The following NT5DC1 variants were observed in gnomAD, a reference collection of about 807,000 sequenced individuals.
NT5DC1 encodes the protein 5'-nucleotidase domain-containing protein 1.
A neutral mutation model predicts 59.4 loss-of-function variants in NT5DC1; 42 were observed. That is an observed-to-expected ratio of 0.71 (90% CI 0.55 to 0.92). NT5DC1 has a LOEUF of 0.92. Among genes scored for constraint, NT5DC1 ranks in the 40% least tolerant of loss-of-function variants. The probability of loss-of-function intolerance (pLI) is 0.00; values close to 1 mark genes in which losing one functional copy is unlikely to be tolerated. For synonymous variants in NT5DC1, 172 were observed against 188.1 expected, an observed-to-expected ratio of 0.91 and a Z score of 0.70; for missense variants, 501 against 537.1, an observed-to-expected ratio of 0.93 and a Z score of 0.66.
intron 6 of NT5DC1, among the ~76,000 whole-genome samples, chr6:116,205,892 G>T (rs1781440543): frequency 6.6e-6 from 1 of 151,890 alleles, no homozygotes; most frequent in Non-Finnish European, 1.5e-5. Flanking sequence ...AGGCAAGTCA[G>T]CCTCTCTAGG....
chr6:116,238,185 A>C lies in NT5DC1; in HGVS notation c.922-2A>C. On this transcript the variant is annotated splice_acceptor_variant, in intron 9 of 11. Transcript: ENST00000319550. LOFTEE classifies it high-confidence loss of function. The stretch of plus-strand genomic sequence containing the variant: ...AAACAGCATCTGCTATCTGTCTTAC[A>C]GGTTGTTTATTTTGGTGACAGCATG... The C allele has an allele frequency of 6.2e-7, 1 of 1,606,634 alleles. No homozygotes were observed. Among genetic ancestry groups the C allele is most frequent in the Non-Finnish European group, 8.5e-7 (1 of 1,175,894 alleles).
chr6:116,126,531 G>A (rs1779317706), intron 6 of NT5DC1, among the ~76,000 whole-genome samples: 1 of 151,968 alleles, frequency 6.6e-6, no homozygotes, highest in Non-Finnish European at 1.5e-5. Context: ...AGGGGGTACT[G>A]GATTTAGACC....
rs897753177 is a variant in NT5DC1 at position 116,156,638 on chromosome 6, T to G, written c.529+38693T>G. On this transcript the variant is annotated intron_variant, in intron 6 of 11. Transcript: ENST00000319550. The stretch of plus-strand genomic sequence containing the variant: ...ATTTAGAGTTTCCTTGAAAGATGAC[T>G]TTGGTCATGTAGAGATAGGGGAGAG... 4.5e-4 allele frequency among the ~76,000 whole-genome samples: 68 copies of G among 152,194 alleles called. 1 individual carries two copies. The highest frequency in any genetic ancestry group is 4.5e-3 in the Admixed American group (68 of 15,280).
chr6:116,234,813 C>T (rs4946146), intron 8 of NT5DC1, among the ~76,000 whole-genome samples: 2,934 of 152,320 alleles, frequency 0.019, 64 homozygotes, highest in Admixed American at 0.064. Context: ...GCTTCCACCT[C>T]AGTTCTGCGG....
chr6:116,194,099 A>G (rs1781179083), intron 6 of NT5DC1, among the ~76,000 whole-genome samples: 1 of 152,024 alleles, frequency 6.6e-6, no homozygotes, highest in Non-Finnish European at 1.5e-5. Context: ...AAGTAAAAGC[A>G]ATTAGGAACT....
At chr6:116,209,194 G>T (rs1781523111) in intron 6 of NT5DC1, among the ~76,000 whole-genome samples, 1 of 151,850 alleles carries the variant, frequency 6.6e-6, no homozygotes, top group Non-Finnish European at 1.5e-5. Flanking sequence ...TTCTTAAAGG[G>T]CCAGATAGTA....
At chr6:116,132,169 G>C (rs1779485085) in intron 6 of NT5DC1, among the ~76,000 whole-genome samples, 1 of 152,064 alleles carries the variant, frequency 6.6e-6, no homozygotes, top group Admixed American at 6.6e-5. Flanking sequence ...GAATGTCTTT[G>C]GGAGAGAGTC....
chr6:116,129,548 G>C (rs1265869889), intron 6 of NT5DC1, among the ~76,000 whole-genome samples: 13 of 152,156 alleles, frequency 8.5e-5, no homozygotes, highest in Non-Finnish European at 1.5e-5. Context: ...TTGCTCTCTT[G>C]CACACTTTTG....
chr6:116,147,641 T>G (rs1779931905), intron 6 of NT5DC1, among the ~76,000 whole-genome samples: 1 of 152,194 alleles, frequency 6.6e-6, no homozygotes, highest in Non-Finnish European at 1.5e-5. Flanking sequence ...TTTAGTTTTA[T>G]TTGTAATGAG....
At chr6:116,195,594 C>T (rs1459813577) in intron 6 of NT5DC1, among the ~76,000 whole-genome samples, 1 of 151,980 alleles carries the variant, frequency 6.6e-6, no homozygotes, top group East Asian at 1.9e-4. Flanking sequence ...CATTTATCTG[C>T]TCCCTCCCTC....
chr6:116,174,337 C>T (rs1780685090), intron 6 of NT5DC1, among the ~76,000 whole-genome samples: 1 of 152,124 alleles, frequency 6.6e-6, no homozygotes, highest in Admixed American at 6.5e-5. Context: ...ATTTGGAAAT[C>T]TTCCGTAAGA....
At position 116,244,304 on chromosome 6, in the gene NT5DC1, C is replaced by T. The variant is rs1248208092; in HGVS notation, c.*280C>T. Reference sequence around the variant, plus strand: ...ACACACACTCACACGCACAGTCACTCTTACACATATGCCTAGTCCAGTGGT... The same window carrying T: ...ACACACACTCACACGCACAGTCACTTTTACACATATGCCTAGTCCAGTGGT... On this transcript the variant is annotated 3_prime_UTR_variant, in exon 12 of 12. Transcript: ENST00000319550. 6 of 210,722 alleles carry T rather than the reference C, an allele frequency of 2.8e-5. No homozygotes were observed. The highest frequency in any genetic ancestry group is 4.7e-5 in the Non-Finnish European group (5 of 105,522). 13.1% of individuals were successfully genotyped at this position (210,722 alleles called of 1,614,324 possible). A position where few individuals can be genotyped will look rare whatever the true frequency, so the allele number is the denominator to read the frequency against.
chr6:116,115,798 A>G (rs1297896233), intron 5 of NT5DC1, 28 bp downstream of exon 5: 4 of 1,125,002 alleles, frequency 3.6e-6, no homozygotes, highest in East Asian at 2.4e-5. Context: ...TTTTAAAACT[A>G]TGATATGTAG....
Position 116,121,504 on chromosome 6 carries a change from A to C in NT5DC1, c.529+3559A>C, listed in dbSNP as rs751499436. The C allele has an allele frequency of 8.7e-6, 14 of 1,614,010 alleles. No homozygotes were observed. The East Asian group carries it at 3.1e-4, about 36-fold the overall frequency. ...GTCCTGTGGGACCCTGAGGGCCTGG[A>C]AGACCCCTCTCACCTGGACGACCAG... On this transcript the variant is annotated intron_variant, in intron 6 of 11. Coordinates refer to ENST00000319550, the MANE Select transcript of NT5DC1 (RefSeq NM_152729.3).
chr6:116,230,709 G>C (rs938880021), intron 8 of NT5DC1, among the ~76,000 whole-genome samples: 11 of 152,064 alleles, frequency 7.2e-5, no homozygotes, highest in Non-Finnish European at 1.2e-4. Flanking sequence ...CCTCCTTTGC[G>C]ATACCTTCCT....
chr6:116,147,880 G>T (rs1016904095), intron 6 of NT5DC1, among the ~76,000 whole-genome samples: 1 of 151,998 alleles, frequency 6.6e-6, no homozygotes, highest in Non-Finnish European at 1.5e-5. Context: ...CATTAAAAAG[G>T]TGGAGGCAGG....
chr6:116,118,714 C>T (rs1018422232), intron 6 of NT5DC1, among the ~76,000 whole-genome samples: 1 of 152,156 alleles, frequency 6.6e-6, no homozygotes, highest in African/African-American at 2.4e-5. Flanking sequence ...TCTCTGTCAC[C>T]TGCTTCTTTC....
At chr6:116,146,322 A>G (rs936240413) in intron 6 of NT5DC1, among the ~76,000 whole-genome samples, 1 of 152,204 alleles carries the variant, frequency 6.6e-6, no homozygotes, top group Non-Finnish European at 1.5e-5. Flanking sequence ...GGTGGCGTCA[A>G]CCTGTGATTT....
intron 11 of NT5DC1, among the ~76,000 whole-genome samples, chr6:116,242,127 T>C (rs1304675657): frequency 6.6e-6 from 1 of 151,598 alleles, no homozygotes; most frequent in South Asian, 2.1e-4. Context: ...TCCTTGCACT[T>C]TGGGAGGCGG....
Sources: gnomAD v4.1 joint callset for allele counts (sites outside exome capture counted in the v4.1 genomes callset) on GRCh38, gnomAD v4.1.1 for gene constraint, MANE v1.5 for transcripts, NCBI Gene and HGNC (gene_info 2026-07-23, HGNC 2026-07-21) for gene names.